NEK1: variants seen among roughly 807,000 people sequenced by gnomAD.
NEK1 encodes serine/threonine-protein kinase Nek1.
Under a neutral mutation model 182.1 loss-of-function variants are expected in NEK1, and 137 were observed. That is an observed-to-expected ratio of 0.75 (90% CI 0.65 to 0.87). The LOEUF (loss-of-function observed/expected upper bound fraction) is 0.87, where lower values mean the gene tolerates loss of function less well. NEK1 is among the 40% of genes least tolerant of loss of function. The probability of loss-of-function intolerance (pLI) is 0.00; values close to 1 mark genes in which losing one functional copy is unlikely to be tolerated. For missense variants in NEK1, 1,391 were observed against 1,494.4 expected (o/e 0.93, Z 1.14); for synonymous variants, 513 against 492.2 (o/e 1.04, Z -0.56).
chr4:169,399,922 GC>G (rs1461594978), intron 35 of NEK1, among the ~76,000 whole-genome samples: 3 of 152,224 alleles, frequency 2.0e-5, no homozygotes, highest in Admixed American at 2.0e-4. Flanking sequence ...ACGGCACCCG[GC>G]TAGGATTATT....
intron 23 of NEK1, among the ~76,000 whole-genome samples, chr4:169,484,735 T>G (rs1467956089): frequency 1.3e-5 from 2 of 152,192 alleles, no homozygotes; most frequent in African/African-American, 4.8e-5. Flanking sequence ...ACAGATAAAG[T>G]AGGACAGTTG....
intron 18 of NEK1, among the ~76,000 whole-genome samples, chr4:169,542,573 C>A (rs1314938362): frequency 6.6e-6 from 1 of 152,166 alleles, no homozygotes; most frequent in Admixed American, 6.5e-5. Context: ...TGAGGAATTG[C>A]CACACTGTCT....
At chr4:169,574,670 G>A (rs1349584249) in intron 12 of NEK1, among the ~76,000 whole-genome samples, 2 of 151,808 alleles carry the variant, frequency 1.3e-5, no homozygotes, top group African/African-American at 2.4e-5. Context: ...AAGAGCAGTA[G>A]GTGATACAGT....
At chr4:169,444,012 T>C (rs1200471055) in intron 27 of NEK1, among the ~76,000 whole-genome samples, 1 of 152,094 alleles carries the variant, frequency 6.6e-6, no homozygotes, top group African/African-American at 2.4e-5. Context: ...ACTGGGAGAA[T>C]TCAACAGCAG....
intron 23 of NEK1, 117 bp downstream of exon 23, chr4:169,506,920 G>T: frequency 1.9e-6 from 1 of 540,450 alleles, no homozygotes; most frequent in Non-Finnish European, 3.1e-6. Context: ...GAGAGAGAAT[G>T]AGAATGAAAA....
At chr4:169,404,736 C>T (rs1579323353) in intron 32 of NEK1, among the ~76,000 whole-genome samples, 1 of 151,902 alleles carries the variant, frequency 6.6e-6, no homozygotes, top group African/African-American at 2.4e-5. Flanking sequence ...CTGACCAACA[C>T]TGAACAAGGT....
At position 169,406,616 on chromosome 4, in the gene NEK1, T is replaced by TC; in HGVS notation, c.3353dup (p.Pro1119ThrfsTer3). 1.2e-6 allele frequency: 2 copies of TC among 1,603,458 alleles called. No individual in the cohort carries two copies. The highest frequency in any genetic ancestry group is 2.3e-5 in the South Asian group (2 of 88,082). On this transcript the variant is annotated frameshift_variant, in exon 32 of 36. Coordinates refer to ENST00000507142, the MANE Select transcript of NEK1 (RefSeq NM_001199397.3). LOFTEE classifies it high-confidence loss of function. ...CTTACATGTCTTCAGAATCAGAAGG[T>TC]CCTTCTTTAATGTTTTCATCTTCAA...
chr4:169,424,639 G>A lies in NEK1; in HGVS notation c.3136C>T (p.His1046Tyr). ...SPEESFAFRS[H>Y]SHLPPKNKNK... Reference sequence around the variant, plus strand: ...TTATTTTTTGGTGGTAAATGCGAGTGAGATCGAAATGCAAAGGATTCTTCT... The same window carrying A: ...TTATTTTTTGGTGGTAAATGCGAGTAAGATCGAAATGCAAAGGATTCTTCT... Residue 1046 changes from histidine to tyrosine, a missense_variant, in exon 31 of 36, where the codon CAC (histidine) becomes TAC (tyrosine). His to Tyr is a moderately conservative substitution (Grantham distance 83, BLOSUM62 2). Around this residue, in one of 5 missense-constraint regions of NEK1, gnomAD observed 1,216 missense variants for 1,277.6 expected, o/e 0.95. Coordinates refer to ENST00000507142, the MANE Select transcript of NEK1 (RefSeq NM_001199397.3). 6.2e-7 allele frequency: 1 copy of A among 1,613,702 alleles called. No homozygotes were observed. The highest frequency in any genetic ancestry group is 8.5e-7 in the Non-Finnish European group (1 of 1,179,710).
At chr4:169,604,272 T>C (rs1770973264) in intron 2 of NEK1, among the ~76,000 whole-genome samples, 2 of 152,228 alleles carry the variant, frequency 1.3e-5, no homozygotes, top group South Asian at 4.1e-4. Flanking sequence ...AGGTCATTAG[T>C]ATCTTTAGGA....
chr4:169,423,260 G>A (rs1018247160), intron 31 of NEK1, among the ~76,000 whole-genome samples: 9 of 152,002 alleles, frequency 5.9e-5, no homozygotes, highest in African/African-American at 9.7e-5. Flanking sequence ...ACACGACCAC[G>A]CCCAGCTAAT....
At chr4:169,598,251 A>C (rs928724958) in intron 5 of NEK1, among the ~76,000 whole-genome samples, 1 of 152,194 alleles carries the variant, frequency 6.6e-6, no homozygotes, top group Non-Finnish European at 1.5e-5. Flanking sequence ...TTATAAATTG[A>C]AAAAACTTAT....
At position 169,572,455 on chromosome 4, in the gene NEK1, A is replaced by T. The variant is rs1183632061; in HGVS notation, c.1020+4473T>A. ...CATTTTTATATATGGTAATTTTGAG[A>T]TGTCTATTAGAAACACAGCTGGAGA... is the stretch of plus-strand genomic sequence containing the variant. On this transcript the variant is annotated intron_variant, in intron 12 of 35. Transcript: ENST00000507142. Among the ~76,000 whole-genome samples, 3 of 152,182 alleles carry T rather than the reference A, an allele frequency of 2.0e-5. No individual in the cohort carries two copies. In the East Asian group the frequency reaches 5.8e-4, roughly 29 times the overall value.
intron 23 of NEK1, among the ~76,000 whole-genome samples, chr4:169,488,661 C>A (rs1002488855): frequency 6.6e-6 from 1 of 152,048 alleles, no homozygotes; most frequent in Non-Finnish European, 1.5e-5. Context: ...AGAAAATGCA[C>A]CAACATACAT....
rs190526024 is a variant in NEK1 at position 169,555,757 on chromosome 4, T to C, written c.1525A>G (p.Arg509Gly). 6.2e-7 allele frequency: 1 copy of C among 1,613,848 alleles called. No homozygotes were observed. Among genetic ancestry groups the C allele is most frequent in the Non-Finnish European group, 8.5e-7 (1 of 1,179,794 alleles). ...GCTTGTTTAGACACCGCCTTCAATC[T>C]TTTCAAAGTTTTTCTAATATCATCA... The part of the protein sequence containing the change: ...DADDIRKTLK[R>G]LKAVSKQANA... The change falls in exon 18 of 36, where the codon AGA (arginine) becomes GGA (glycine). Residue 509 changes from arginine to glycine, a missense_variant. Transcript: ENST00000507142.
At chr4:169,433,286 C>T (rs913794533) in intron 29 of NEK1, among the ~76,000 whole-genome samples, 3 of 152,194 alleles carry the variant, frequency 2.0e-5, no homozygotes, top group African/African-American at 7.2e-5. Context: ...TCTTGAACTC[C>T]TGCCCTCAAG....
In NEK1 at chr4:169,506,551, G is replaced by C. The variant is rs35285648; in HGVS notation, c.2007+486C>G. 5.3e-3 allele frequency: 800 copies of C among 152,334 alleles called. 2 individuals are homozygous for C. Among genetic ancestry groups the C allele is most frequent in the Middle Eastern group, 0.014 (4 of 296 alleles). 9.4% of individuals were successfully genotyped at this position (152,334 alleles called of 1,614,324 possible). ...GGGCAGATCACAAGGTCAGGAGTTTGAGACCTGCCTGGCCAACATGGTGAA... is the reference window on the plus strand; with the variant it reads ...GGGCAGATCACAAGGTCAGGAGTTTCAGACCTGCCTGGCCAACATGGTGAA... On this transcript the variant is annotated intron_variant, in intron 23 of 35. Transcript: ENST00000507142.
chr4:169,522,069 ACT>A (rs1407096336), intron 19 of NEK1, among the ~76,000 whole-genome samples: 3 of 152,038 alleles, frequency 2.0e-5, no homozygotes, highest in African/African-American at 7.3e-5. Flanking sequence ...CAGTATTTTT[ACT>A]CTCTGTTGTT....
In NEK1 at chr4:169,570,334, G is replaced by A. The variant is rs1235195203; in HGVS notation, c.1020+6594C>T. On this transcript the variant is annotated intron_variant, in intron 12 of 35. Coordinates refer to ENST00000507142, the MANE Select transcript of NEK1 (RefSeq NM_001199397.3). ...TGGGAAGTGAGGAGCGTCTCCGCCC[G>A]GCAGCCACCCCGTCCGGGAGGGAGG... Among the ~76,000 whole-genome samples, 578 of 150,072 alleles carry A rather than the reference G, an allele frequency of 3.9e-3. 4 individuals are homozygous for A. The highest frequency in any genetic ancestry group is 5.3e-3 in the Non-Finnish European group (361 of 67,868).
At chr4:169,562,686 T>C (rs549336499) in intron 12 of NEK1, among the ~76,000 whole-genome samples, 21 of 152,290 alleles carry the variant, frequency 1.4e-4, no homozygotes, top group African/African-American at 4.8e-4. Flanking sequence ...AGTTCAACTA[T>C]ATACATACAA....
Sources: gnomAD v4.1 joint callset for allele counts (sites outside exome capture counted in the v4.1 genomes callset) on GRCh38, gnomAD v4.1.1 for gene constraint, gnomAD v4.1.1 regional missense constraint, MANE v1.5 for transcripts, NCBI Gene and HGNC (gene_info 2026-07-23, HGNC 2026-07-21) for gene names.